Variants in BNC2 observed in about 807,000 individuals in gnomAD.
The protein encoded by BNC2 is zinc finger protein basonuclin-2.
A neutral mutation model predicts 76.3 loss-of-function variants in BNC2; 20 were observed. The ratio of observed to expected loss-of-function variants is 0.26; its 90% CI spans 0.18 to 0.38. The LOEUF is 0.38. Ranked by LOEUF, BNC2 falls within the 10% of genes least tolerant of loss-of-function variation. The pLI, the probability that BNC2 is intolerant of heterozygous loss-of-function variation, is 1.00. For synonymous variants in BNC2, 582 were observed against 514.8 expected, an observed-to-expected ratio of 1.13 and a Z score of -1.77; for missense variants, 1,382 against 1,399.8, an observed-to-expected ratio of 0.99 and a Z score of 0.20.
At chr9:16,672,964 C>CAAA (rs1303341652) in intron 3 of BNC2, among the ~76,000 whole-genome samples, 1 of 152,108 alleles carries the variant, frequency 6.6e-6, no homozygotes, top group African/African-American at 2.4e-5. Flanking sequence ...CAACACGAAG[C>CAAA]AAAAATCCTG....
At chr9:16,590,900 T>C (rs1033654294) in intron 3 of BNC2, among the ~76,000 whole-genome samples, 1 of 152,180 alleles carries the variant, frequency 6.6e-6, no homozygotes, top group Non-Finnish European at 1.5e-5. Flanking sequence ...TATTCCAGGA[T>C]TGCCATAGAA....
At chr9:16,689,822 G>A (rs1409258928) in intron 3 of BNC2, among the ~76,000 whole-genome samples, 1 of 152,122 alleles carries the variant, frequency 6.6e-6, no homozygotes, top group Non-Finnish European at 1.5e-5. Context: ...AAATCACTCA[G>A]ATAACACAAA....
intron 3 of BNC2, among the ~76,000 whole-genome samples, chr9:16,621,763 G>A (rs930725314): frequency 2.0e-5 from 3 of 152,084 alleles, no homozygotes; most frequent in African/African-American, 7.2e-5. Context: ...GTTGAGATGT[G>A]CTGAAAGTGT....
chr9:16,755,100 GA>G (rs1287225495), intron 1 of BNC2, among the ~76,000 whole-genome samples: 1 of 152,062 alleles, frequency 6.6e-6, no homozygotes, highest in African/African-American at 2.4e-5. Context: ...AAATACACCA[GA>G]AAAAGGATAC....
intron 3 of BNC2, chr9:16,685,750 C>T: frequency 2.1e-6 from 1 of 486,250 alleles, no homozygotes; most frequent in Non-Finnish European, 3.8e-6. Context: ...GTCATCATGG[C>T]TTGACATGTA....
chr9:16,431,063 A>C (rs1820898766), intron 6 of BNC2, among the ~76,000 whole-genome samples: 1 of 152,238 alleles, frequency 6.6e-6, no homozygotes, highest in Admixed American at 6.5e-5. Context: ...TGAGAAGAAG[A>C]AAGGAACAAA....
At chr9:16,811,062 C>G (rs189963738) in intron 1 of BNC2, among the ~76,000 whole-genome samples, 1 of 151,532 alleles carries the variant, frequency 6.6e-6, no homozygotes, top group Admixed American at 6.6e-5. Context: ...ACTAAAAATA[C>G]AAAAAATTAG....
intron 5 of BNC2, among the ~76,000 whole-genome samples, chr9:16,464,258 C>T (rs1030428757): frequency 2.6e-5 from 4 of 152,098 alleles, no homozygotes; most frequent in Non-Finnish European, 5.9e-5. Flanking sequence ...GATGTTCAGA[C>T]AATCTGCACA....
At position 16,650,858 on chromosome 9, in the gene BNC2, CAA is replaced by C. The variant is rs1476661386; in HGVS notation, c.331-67775_331-67774del. On this transcript the variant is annotated intron_variant, in intron 3 of 6. Transcript: ENST00000380672. ...AAACTTTTAGAAAATTATAGGTCCA[CAA>C]AGTTATGTTTGTGTAAGTTTTGTAA... is the stretch of plus-strand genomic sequence containing the variant. Among the ~76,000 whole-genome samples the C allele has an allele frequency of 2.0e-5, 3 of 152,142 alleles. No homozygotes were observed. In the East Asian group the frequency reaches 5.8e-4, roughly 29 times the overall value.
intron 1 of BNC2, among the ~76,000 whole-genome samples, chr9:16,845,280 T>A (rs977697966): frequency 6.6e-6 from 1 of 151,866 alleles, no homozygotes; most frequent in Non-Finnish European, 1.5e-5. Context: ...GGCATTTTTT[T>A]AAAATGGAGG....
intron 1 of BNC2, among the ~76,000 whole-genome samples, chr9:16,759,092 T>C (rs1825476361): frequency 6.6e-6 from 1 of 152,166 alleles, no homozygotes; most frequent in African/African-American, 2.4e-5. Flanking sequence ...ATGGTAATCA[T>C]TTTCAGTTCA....
Position 16,772,610 on chromosome 9 carries a change from A to AT in BNC2, c.4-34126dup, listed in dbSNP as rs1025716108. ...TCACACCTCATGGGAAACTGTACTA[A>AT]TTTTTTTTTGTCTTTTATGATTGAT... On this transcript the variant is annotated intron_variant, in intron 1 of 6. Coordinates refer to ENST00000380672, the MANE Select transcript of BNC2 (RefSeq NM_017637.6). Among the ~76,000 whole-genome samples, 436 of 151,502 alleles carry AT rather than the reference A, an allele frequency of 2.9e-3. 3 individuals are homozygous for AT. The highest frequency in any genetic ancestry group is 0.015 in the East Asian group (77 of 5,156).
At chr9:16,636,984 G>T (rs976536922) in intron 3 of BNC2, among the ~76,000 whole-genome samples, 1 of 150,964 alleles carries the variant, frequency 6.6e-6, no homozygotes, top group Non-Finnish European at 1.5e-5. Flanking sequence ...CTAGCTAATG[G>T]GAAAAACAAG....
chr9:16,637,587 A>C (rs559508600), intron 3 of BNC2, among the ~76,000 whole-genome samples: 62 of 152,318 alleles, frequency 4.1e-4, no homozygotes, highest in South Asian at 2.3e-3. Flanking sequence ...GCCATTACTA[A>C]ATTTCTGAGG....
intron 3 of BNC2, among the ~76,000 whole-genome samples, chr9:16,695,748 T>TG (rs1450970049): frequency 3.3e-5 from 5 of 152,108 alleles, no homozygotes; most frequent in African/African-American, 1.2e-4. Context: ...CACGTACCTC[T>TG]GTGTGAACAG....
At chr9:16,587,368 C>A (rs909301601) in intron 3 of BNC2, among the ~76,000 whole-genome samples, 1 of 152,186 alleles carries the variant, frequency 6.6e-6, no homozygotes, top group South Asian at 2.1e-4. Flanking sequence ...CGTGCACCAT[C>A]ACGTTGAGCT....
At chr9:16,685,803 CAAAGTTTAT>C (rs1822961246) in intron 3 of BNC2, among the ~76,000 whole-genome samples, 1 of 152,128 alleles carries the variant, frequency 6.6e-6, no homozygotes, top group African/African-American at 2.4e-5. Context: ...TACCATGTAA[CAAAGTTTAT>C]TAACTACCAG....
At chr9:16,759,428 A>G (rs1461111614) in intron 1 of BNC2, among the ~76,000 whole-genome samples, 3 of 152,130 alleles carry the variant, frequency 2.0e-5, no homozygotes, top group Admixed American at 2.0e-4. Context: ...TATTTTCCTT[A>G]ATTTTTTTTT....
chr9:16,776,594 C>A (rs1586874505), intron 1 of BNC2, among the ~76,000 whole-genome samples: 1 of 152,196 alleles, frequency 6.6e-6, no homozygotes, highest in Admixed American at 6.5e-5. Flanking sequence ...TTTAGAGCAA[C>A]AGCCAATTAA....
Sources: allele counts gnomAD v4.1 joint callset (sites outside exome capture counted in the v4.1 genomes callset), GRCh38; gene constraint gnomAD v4.1.1; transcripts MANE v1.5; gene names NCBI Gene and HGNC (gene_info 2026-07-23, HGNC 2026-07-21).